Variants in DGKI observed in about 807,000 individuals in gnomAD.
DGKI encodes the protein DAG kinase iota.
A neutral mutation model predicts 147.5 loss-of-function variants in DGKI; 55 were observed. The ratio of observed to expected loss-of-function variants is 0.37; its 90% CI spans 0.30 to 0.47. The LOEUF (loss-of-function observed/expected upper bound fraction) is 0.47. Among genes scored for constraint, DGKI ranks in the 20% least tolerant of loss-of-function variants. The pLI is 1.00. For synonymous variants in DGKI, 469 were observed against 477.1 expected (o/e 0.98, Z 0.22); for missense variants, 1,007 against 1,323.8 (o/e 0.76, Z 3.71).
intron 12 of DGKI, among the ~76,000 whole-genome samples, chr7:137,588,767 T>C (rs1819505201): frequency 6.6e-6 from 1 of 152,124 alleles, no homozygotes; most frequent in Admixed American, 6.5e-5. Context: ...TGAGCCACCG[T>C]GCCAGGCCCA....
chr7:137,548,351 T>A (rs1166415195), intron 20 of DGKI, among the ~76,000 whole-genome samples: 1 of 152,152 alleles, frequency 6.6e-6, no homozygotes, highest in African/African-American at 2.4e-5. Context: ...CATGTTGAAA[T>A]GGAATCCCCG....
rs768479732 is a variant in DGKI at position 137,585,193 on chromosome 7, C to T, written c.1563+16G>A. 1.9e-6 allele frequency: 3 copies of T among 1,613,716 alleles called. No individual in the cohort carries two copies. Among genetic ancestry groups the T allele is most frequent in the Non-Finnish European group, 2.5e-6 (3 of 1,179,776 alleles). On this transcript the variant is annotated intron_variant, in intron 14 of 32. Coordinates refer to ENST00000614521, the MANE Select transcript of DGKI (RefSeq NM_001321708.2). ...TGCTCCAGGGCTCCTTTCTGCAGAA[C>T]AAAAAACTCTCTAACCTTACATACG...
chr7:137,633,044 C>T (rs1469646572), intron 6 of DGKI, among the ~76,000 whole-genome samples: 4 of 151,792 alleles, frequency 2.6e-5, no homozygotes, highest in East Asian at 1.9e-4. Flanking sequence ...GAAACCCTGT[C>T]GCTACTAAAA....
At chr7:137,796,514 T>C (rs911445690) in intron 1 of DGKI, among the ~76,000 whole-genome samples, 5 of 151,580 alleles carry the variant, frequency 3.3e-5, no homozygotes, top group African/African-American at 9.7e-5. Context: ...AAAAAAAGCT[T>C]TACGTATGTT....
intron 1 of DGKI, among the ~76,000 whole-genome samples, chr7:137,713,011 C>G (rs1271422220): frequency 6.6e-6 from 1 of 152,158 alleles, no homozygotes; most frequent in Non-Finnish European, 1.5e-5. Context: ...CCCTAGAGCA[C>G]AAGTGGTGAA....
intron 1 of DGKI, among the ~76,000 whole-genome samples, chr7:137,841,144 C>T (rs967331586): frequency 3.3e-5 from 5 of 152,210 alleles, no homozygotes; most frequent in Non-Finnish European, 7.3e-5. Flanking sequence ...CTTGTCTCAA[C>T]AAAGCTATTT....
At chr7:137,561,398 G>A (rs368715096) in intron 19 of DGKI, among the ~76,000 whole-genome samples, 2 of 152,062 alleles carry the variant, frequency 1.3e-5, no homozygotes, top group Admixed American at 6.6e-5. Context: ...GTAGAACAGA[G>A]GATACTAGAG....
rs184632364 is a variant in DGKI, at chr7:137,465,910, C to A, written c.2610G>T (p.Ser870=). Residue 870 remains serine, a splice_region_variant and synonymous_variant, in exon 26 of 33, where the codon TCG becomes TCT. Transcript: ENST00000614521. ...CAGGCCAGGAGAAGCACACTCACCC[C>A]GAGGCTTGTTCCACCACCAGGTCAG... ...GMPDLVVEQA[S]GISDWWNPAL... The A allele has an allele frequency of 6.2e-7, 1 of 1,613,720 alleles. No individual in the cohort carries two copies. Among genetic ancestry groups the A allele is most frequent in the African/African-American group, 1.3e-5 (1 of 75,044 alleles).
At chr7:137,428,632 T>C (rs1383203888) in intron 28 of DGKI, among the ~76,000 whole-genome samples, 2 of 152,140 alleles carry the variant, frequency 1.3e-5, no homozygotes, top group African/African-American at 4.8e-5. Flanking sequence ...GCAGATGACA[T>C]GATTGTATAT....
chr7:137,778,284 A>C (rs1796418331), intron 1 of DGKI, among the ~76,000 whole-genome samples: 1 of 152,138 alleles, frequency 6.6e-6, no homozygotes, highest in African/African-American at 2.4e-5. Flanking sequence ...GGAGACTTTT[A>C]AGGGAAGGGT....
chr7:137,587,650 A>C (rs1819454667), intron 12 of DGKI, among the ~76,000 whole-genome samples: 1 of 152,222 alleles, frequency 6.6e-6, no homozygotes, highest in Non-Finnish European at 1.5e-5. Flanking sequence ...AATGGGGATA[A>C]TAATACGTAC....
At chr7:137,741,207 CT>C (rs1165054253) in intron 1 of DGKI, among the ~76,000 whole-genome samples, 1 of 152,078 alleles carries the variant, frequency 6.6e-6, no homozygotes, top group African/African-American at 2.4e-5. Context: ...CAATGTCTAG[CT>C]GAAACATCTT....
intron 1 of DGKI, among the ~76,000 whole-genome samples, chr7:137,758,892 G>A (rs6467716): frequency 0.059 from 8,975 of 152,004 alleles, 908 homozygotes; most frequent in African/African-American, 0.2. Flanking sequence ...CCATATAGGC[G>A]CTTTGGGCTT....
chr7:137,493,361 A>T (rs926982910), intron 21 of DGKI, among the ~76,000 whole-genome samples: 1 of 152,214 alleles, frequency 6.6e-6, no homozygotes, highest in Non-Finnish European at 1.5e-5. Flanking sequence ...GCTGATGAGC[A>T]TGCATGTCAT....
intron 23 of DGKI, among the ~76,000 whole-genome samples, chr7:137,473,422 G>C (rs185591041): frequency 1.4e-3 from 217 of 152,226 alleles, no homozygotes; most frequent in African/African-American, 3.9e-3. Flanking sequence ...GATTTGGTAT[G>C]TCTATGTGTA....
intron 18 of DGKI, among the ~76,000 whole-genome samples, chr7:137,571,491 CA>C (rs1818792315): frequency 6.6e-6 from 1 of 152,198 alleles, no homozygotes; most frequent in African/African-American, 2.4e-5. Context: ...AATTTTGCAA[CA>C]AAAGTATCCT....
intron 27 of DGKI, among the ~76,000 whole-genome samples, chr7:137,457,508 G>C (rs985527789): frequency 2.0e-5 from 3 of 152,166 alleles, no homozygotes; most frequent in African/African-American, 4.8e-5. Context: ...GAATGATGTT[G>C]TTTCTCCCAT....
chr7:137,786,757 G>A (rs1158103569), intron 1 of DGKI, among the ~76,000 whole-genome samples: 1 of 151,960 alleles, frequency 6.6e-6, no homozygotes, highest in African/African-American at 2.4e-5. Flanking sequence ...AAACAGCGTG[G>A]TACTGGTATA....
In DGKI at chr7:137,387,132, A is replaced by C. The variant is rs189968479; in HGVS notation, c.*4088T>G. 1.3e-5 allele frequency: 2 copies of C among 152,302 alleles called. No individual in the cohort carries two copies. The highest frequency in any genetic ancestry group is 3.9e-4 in the East Asian group (2 of 5,180). The allele number at this position is 152,302 out of a possible 1,614,324, so 9.4% of individuals were successfully genotyped here. ...AAGTAGCCTGCCCTAATTAAATATC[A>C]CTAGGCAACCTACTGAGTGTTAGTG... On this transcript the variant is annotated 3_prime_UTR_variant, in exon 33 of 33. Coordinates refer to ENST00000614521, the MANE Select transcript of DGKI (RefSeq NM_001321708.2).
Sources: allele counts gnomAD v4.1 joint callset (sites outside exome capture counted in the v4.1 genomes callset), GRCh38; gene constraint gnomAD v4.1.1; transcripts MANE v1.5; gene names NCBI Gene and HGNC (gene_info 2026-07-23, HGNC 2026-07-21).